DAB1: variants seen among roughly 807,000 people sequenced by gnomAD.
DAB1 encodes the protein DAB adaptor protein 1.
A neutral mutation model predicts 64.6 loss-of-function variants in DAB1; 15 were observed. The ratio of observed to expected loss-of-function variants is 0.23; its 90% CI spans 0.16 to 0.36. DAB1 has a LOEUF of 0.36. DAB1 is among the 10% of genes least tolerant of loss of function. DAB1 has a pLI of 1.00. For synonymous variants in DAB1, 235 were observed against 251.9 expected (o/e 0.93, Z 0.64); for missense variants, 596 against 706.7 (o/e 0.84, Z 1.78).
At chr1:57,043,081 T>C (rs1223756785) in intron 9 of DAB1, among the ~76,000 whole-genome samples, 1 of 152,176 alleles carries the variant, frequency 6.6e-6, no homozygotes, top group Non-Finnish European at 1.5e-5. Flanking sequence ...GGATGGCATT[T>C]TCAACTGACT....
chr1:57,174,718 T>A (rs2100938697), intron 2 of DAB1, among the ~76,000 whole-genome samples: 1 of 152,320 alleles, frequency 6.6e-6, no homozygotes, highest in African/African-American at 2.4e-5. Flanking sequence ...TCTTTCTCAC[T>A]ATCTGATGCT....
intron 4 of DAB1, among the ~76,000 whole-genome samples, chr1:57,098,065 C>A (rs1329741692): frequency 6.6e-6 from 1 of 152,186 alleles, no homozygotes; most frequent in Non-Finnish European, 1.5e-5. Flanking sequence ...GCATGAGCCA[C>A]CGCACCCAGC....
intron 5 of DAB1, among the ~76,000 whole-genome samples, chr1:57,956,304 G>A (rs910923509): frequency 1.3e-5 from 2 of 152,246 alleles, no homozygotes; most frequent in African/African-American, 4.8e-5. Context: ...TAATAGTGGA[G>A]GTTACCACCC....
chr1:58,219,261 C>A (rs1049579438), intron 4 of DAB1, among the ~76,000 whole-genome samples: 3 of 151,904 alleles, frequency 2.0e-5, no homozygotes, highest in Non-Finnish European at 4.4e-5. Flanking sequence ...TTTTGGTGTG[C>A]CCTTCAGAGC....
chr1:57,611,047 A>G (rs1223550548), intron 7 of DAB1, among the ~76,000 whole-genome samples: 3 of 151,586 alleles, frequency 2.0e-5, no homozygotes, highest in Admixed American at 2.0e-4. Context: ...AGTTTCACTC[A>G]TGCTTGCTTT....
chr1:57,581,862 G>A (rs910692795), intron 7 of DAB1, among the ~76,000 whole-genome samples: 8 of 152,108 alleles, frequency 5.3e-5, no homozygotes, highest in East Asian at 1.9e-4. Context: ...GAAATAGGCC[G>A]TCTTAGCCTG....
At chr1:58,364,007 T>G (rs1455849092) in intron 3 of DAB1, among the ~76,000 whole-genome samples, 2 of 152,198 alleles carry the variant, frequency 1.3e-5, no homozygotes, top group South Asian at 4.1e-4. Flanking sequence ...AAATATGCCC[T>G]CTTTCTGGAG....
intron 4 of DAB1, among the ~76,000 whole-genome samples, chr1:58,249,692 G>A (rs965429308): frequency 6.6e-6 from 1 of 152,210 alleles, no homozygotes; most frequent in South Asian, 2.1e-4. Context: ...AGTCGTCGAC[G>A]CGGATGAAGT....
At chr1:57,737,626 TG>T (rs1647760794) in intron 6 of DAB1, among the ~76,000 whole-genome samples, 1 of 152,128 alleles carries the variant, frequency 6.6e-6, no homozygotes, top group South Asian at 2.1e-4. Flanking sequence ...GCAGGAACAA[TG>T]AGTGAGTGGA....
At position 57,843,707 on chromosome 1, in the gene DAB1, A is replaced by G. The variant is rs142773354; in HGVS notation, n.88-17252T>C. Among the ~76,000 whole-genome samples the G allele has an allele frequency of 2.0e-4, 30 of 152,316 alleles. No individual in the cohort carries two copies. In the Middle Eastern group the frequency reaches 0.01, roughly 52 times the overall value. ...AGGCTTTGGAGAAATACCAGCTGAA[A>G]TGAATTACCCTGGCTTTCCCCCATG... is the stretch of plus-strand genomic sequence containing the variant. On this transcript the variant is annotated intron_variant and non_coding_transcript_variant, in intron 1 of 1. Coordinates refer to the DAB1 transcript ENST00000477280.
At chr1:57,815,290 G>T (rs1378525666) in intron 6 of DAB1, among the ~76,000 whole-genome samples, 1 of 151,918 alleles carries the variant, frequency 6.6e-6, no homozygotes, top group Non-Finnish European at 1.5e-5. Flanking sequence ...GGATGTTCTC[G>T]ATCTCCTGAC....
intron 2 of DAB1, among the ~76,000 whole-genome samples, chr1:57,275,116 CAAG>C (rs1434310191): frequency 6.6e-6 from 1 of 151,740 alleles, no homozygotes; most frequent in Non-Finnish European, 1.5e-5. Flanking sequence ...GCTGTGCTCT[CAAG>C]AAGATAAAGA....
chr1:57,839,430 T>C (rs1241335819), intron 1 of DAB1, among the ~76,000 whole-genome samples: 1 of 152,258 alleles, frequency 6.6e-6, no homozygotes, highest in Non-Finnish European at 1.5e-5. Flanking sequence ...GATGGATACT[T>C]GGAACAACTG....
chr1:57,687,616 A>AAAAAAAAAAAAAAAAAAAAAAAAAAAAC (rs1646716238), intron 6 of DAB1, among the ~76,000 whole-genome samples: 1 of 148,738 alleles, frequency 6.7e-6, no homozygotes. Flanking sequence ...AAAAAAAAAA[A>AAAAAAAAAAAAAAAAAAAAAAAAAAAAC]AAAGAAAAAA....
At chr1:57,691,982 C>T (rs1317225080) in intron 6 of DAB1, among the ~76,000 whole-genome samples, 2 of 152,166 alleles carry the variant, frequency 1.3e-5, no homozygotes, top group South Asian at 2.1e-4. Flanking sequence ...CCCAACTCTT[C>T]GGAGTTGGGA....
At chr1:57,023,660 G>A (rs1178439350) in intron 10 of DAB1, 21 bp from the exon 11 acceptor site, 2 of 1,474,708 alleles carry the variant, frequency 1.4e-6, no homozygotes, top group Admixed American at 1.7e-5. Context: ...GAGAGAGGCA[G>A]AGGACACATG....
intron 3 of DAB1, among the ~76,000 whole-genome samples, chr1:57,137,620 A>G (rs1658243776): frequency 6.6e-6 from 1 of 152,214 alleles, no homozygotes; most frequent in South Asian, 2.1e-4. Flanking sequence ...AGGGACCTTG[A>G]GACTTCCAGC....
chr1:58,257,813 G>C (rs1022625917), intron 4 of DAB1, among the ~76,000 whole-genome samples: 3 of 152,180 alleles, frequency 2.0e-5, no homozygotes, highest in Non-Finnish European at 4.4e-5. Flanking sequence ...ACCCCTATGA[G>C]GTTATGGTTT....
intron 1 of DAB1, among the ~76,000 whole-genome samples, chr1:57,328,528 G>A (rs1329279105): frequency 6.6e-6 from 1 of 152,150 alleles, no homozygotes; most frequent in South Asian, 2.1e-4. Flanking sequence ...AGGGAAGCAC[G>A]TTTTATATAC....
Sources: gnomAD v4.1 joint callset for allele counts (sites outside exome capture counted in the v4.1 genomes callset) on GRCh38, gnomAD v4.1.1 for gene constraint, MANE v1.5 for transcripts, NCBI Gene and HGNC (gene_info 2026-07-23, HGNC 2026-07-21) for gene names.